GATAD1: variants seen among roughly 807,000 people sequenced by gnomAD.
The protein encoded by GATAD1 is GATA zinc finger domain-containing protein 1.
Under a neutral mutation model 26.5 loss-of-function variants are expected in GATAD1, and 12 were observed. The ratio of observed to expected loss-of-function variants is 0.45; its 90% CI spans 0.29 to 0.73. The LOEUF is 0.73. Ranked by LOEUF, GATAD1 falls within the 30% of genes least tolerant of loss-of-function variation. The pLI is 0.10. For synonymous variants in GATAD1, 129 were observed against 133.1 expected (o/e 0.97, Z 0.21); for missense variants, 266 against 342.1 (o/e 0.78, Z 1.75).
the GATAD1 span, among the ~76,000 whole-genome samples, chr7:92,478,465 TATAAGTGGGG>T: frequency 5.3e-5 from 8 of 152,084 alleles, no homozygotes; most frequent in Admixed American, 5.2e-4. Flanking sequence ...ATGGGCTGAT[TATAAGTGGGG>T]ATAAGTGGCT....
At chr7:92,451,005 AGT>A (rs1789406379) in intron 3 of GATAD1, among the ~76,000 whole-genome samples, 2 of 151,964 alleles carry the variant, frequency 1.3e-5, no homozygotes, top group Non-Finnish European at 2.9e-5. Context: ...ATTTTTTTTT[AGT>A]GTAGATTGTA....
the GATAD1 span, among the ~76,000 whole-genome samples, chr7:92,489,083 C>A: frequency 6.6e-6 from 1 of 152,192 alleles, no homozygotes; most frequent in African/African-American, 2.4e-5. Flanking sequence ...CAAATATAAT[C>A]AAATGAACTG....
At chr7:92,472,101 C>T in the GATAD1 span, 2 of 152,208 alleles carry the variant, frequency 1.3e-5, no homozygotes, top group African/African-American at 2.4e-5. Flanking sequence ...AAGGTCCCCT[C>T]GAGTGGCATA....
the GATAD1 span, among the ~76,000 whole-genome samples, chr7:92,476,339 C>T: frequency 7.9e-4 from 121 of 152,224 alleles, 1 homozygote; most frequent in South Asian, 2.7e-3. Flanking sequence ...AAAGCAGTTG[C>T]GCTACCGACT....
intron 2 of GATAD1, chr7:92,449,753 G>A (rs1001408115): frequency 3.4e-5 from 10 of 298,322 alleles, no homozygotes; most frequent in East Asian, 3.5e-4. Context: ...GAATGTGCAG[G>A]TTTGTTACAT....
rs1789798622 is a variant in GATAD1 at position 92,458,800 on chromosome 7, C to T, written c.*2238C>T. 3 of 152,144 alleles carry T rather than the reference C, an allele frequency of 2.0e-5. No homozygotes were observed. The highest frequency in any genetic ancestry group is 1.3e-4 in the Admixed American group (2 of 15,278). The allele number at this position is 152,144 out of a possible 1,614,324, so 9.4% of individuals were successfully genotyped here. On this transcript the variant is annotated 3_prime_UTR_variant, in exon 5 of 5. Transcript: ENST00000287957. ...AAATAACTTTCTAAGTGCCAATATT[C>T]AAAACTTTTGGATTAAAATGTATTT...
the GATAD1 span, among the ~76,000 whole-genome samples, chr7:92,484,076 ATTT>A: frequency 1.7e-4 from 26 of 152,274 alleles, no homozygotes; most frequent in Non-Finnish European, 3.1e-4. Flanking sequence ...CCATTTTTCC[ATTT>A]TTCCACAAAA....
downstream of GATAD1, among the ~76,000 whole-genome samples, chr7:92,463,785 G>A (rs766200592): frequency 5.3e-5 from 8 of 151,886 alleles, no homozygotes; most frequent in Non-Finnish European, 1.2e-4. Flanking sequence ...CCTGGCCAAC[G>A]TGGCGAAACC....
chr7:92,469,246 A>T, the GATAD1 span: 6 of 764,008 alleles, frequency 7.9e-6, no homozygotes, highest in Non-Finnish European at 1.4e-5. Context: ...ATTTTGAAGG[A>T]CTACTGCTGC....
At chr7:92,488,037 T>C in the GATAD1 span, among the ~76,000 whole-genome samples, 3 of 152,216 alleles carry the variant, frequency 2.0e-5, no homozygotes, top group Non-Finnish European at 4.4e-5. Flanking sequence ...GCAAGAATGT[T>C]CATTACCACA....
chr7:92,493,039 A>G, the GATAD1 span: 1 of 1,611,880 alleles, frequency 6.2e-7, no homozygotes, highest in Non-Finnish European at 8.5e-7. Flanking sequence ...CCAGTAAAGG[A>G]GTCAGTTACT....
Position 92,459,211 on chromosome 7 carries a change from A to G in GATAD1, c.*2649A>G, listed in dbSNP as rs954323043. On this transcript the variant is annotated 3_prime_UTR_variant, in exon 5 of 5. Coordinates refer to ENST00000287957, the MANE Select transcript of GATAD1 (RefSeq NM_021167.5). Reference sequence around the variant, plus strand: ...ACTGCACTCCAGTCTGGGTGACGGCATGACTCCATCTCCAAAAAAAAAAAA... The same window carrying G: ...ACTGCACTCCAGTCTGGGTGACGGCGTGACTCCATCTCCAAAAAAAAAAAA... 1.6e-4 allele frequency: 23 copies of G among 147,880 alleles called. No homozygotes were observed. The highest frequency in any genetic ancestry group is 1.2e-4 in the Non-Finnish European group (8 of 67,088). The allele number at this position is 147,880 out of a possible 1,614,324, so 9.2% of individuals were successfully genotyped here.
chr7:92,448,321 T>C (rs1481694506), intron 1 of GATAD1, among the ~76,000 whole-genome samples: 1 of 152,250 alleles, frequency 6.6e-6, no homozygotes, highest in Admixed American at 6.5e-5. Flanking sequence ...AGTAAGATTA[T>C]TATGTCATTA....
chr7:92,457,054 G>A lies in GATAD1; in HGVS notation c.*492G>A, dbSNP rs374078447. The A allele has an allele frequency of 3.9e-5, 6 of 151,964 alleles. No homozygotes were observed. The highest frequency in any genetic ancestry group is 1.5e-4 in the African/African-American group (6 of 41,164). 9.4% of individuals were successfully genotyped at this position (151,964 alleles called of 1,614,324 possible). A position where few individuals can be genotyped will look rare whatever the true frequency, so the allele number is the denominator to read the frequency against. ...TGTGCCTGTAATCCCAGCTATTTGG[G>A]AGGCTGAGGCAGGAGAATCGCCTAA... On this transcript the variant is annotated 3_prime_UTR_variant, in exon 5 of 5. Coordinates refer to ENST00000287957, the MANE Select transcript of GATAD1 (RefSeq NM_021167.5).
chr7:92,480,889 G>A, the GATAD1 span, among the ~76,000 whole-genome samples: 1 of 152,144 alleles, frequency 6.6e-6, no homozygotes, highest in Non-Finnish European at 1.5e-5. Flanking sequence ...CATTAATGAT[G>A]GAGGACCCTT....
chr7:92,462,014 CCA>C (rs755252512), downstream of GATAD1, among the ~76,000 whole-genome samples: 1 of 152,004 alleles, frequency 6.6e-6, no homozygotes, highest in Non-Finnish European at 1.5e-5. Flanking sequence ...CAGCTGGTGG[CCA>C]ATGTAAATTA....
rs1789832517 is a variant in GATAD1, at chr7:92,459,409, A to G, written c.*2847A>G. 6.6e-6 allele frequency: 1 copy of G among 152,220 alleles called. No homozygotes were observed. Among genetic ancestry groups the G allele is most frequent in the Non-Finnish European group, 1.5e-5 (1 of 68,038 alleles). The allele number at this position is 152,220 out of a possible 1,614,324, so 9.4% of individuals were successfully genotyped here. A position where few individuals can be genotyped will look rare whatever the true frequency, so the allele number is the denominator to read the frequency against. ...AGATGGTTGTGTACCATCTTTTAAA[A>G]TAAAGATTGAATTTCACCCAGTGTG... On this transcript the variant is annotated 3_prime_UTR_variant, in exon 5 of 5. Coordinates refer to ENST00000287957, the MANE Select transcript of GATAD1 (RefSeq NM_021167.5).
the GATAD1 span, among the ~76,000 whole-genome samples, chr7:92,482,171 A>G: frequency 6.6e-6 from 1 of 152,226 alleles, no homozygotes; most frequent in African/African-American, 2.4e-5. Context: ...AGTACAGCCC[A>G]GGTAAGCTGC....
chr7:92,476,862 G>A, the GATAD1 span, among the ~76,000 whole-genome samples: 1 of 152,182 alleles, frequency 6.6e-6, no homozygotes, highest in Non-Finnish European at 1.5e-5. Flanking sequence ...TAAGGACGCA[G>A]CGCAGAGCTT....
Sources: gnomAD v4.1 joint callset for allele counts (sites outside exome capture counted in the v4.1 genomes callset) on GRCh38, gnomAD v4.1.1 for gene constraint, MANE v1.5 for transcripts, NCBI Gene and HGNC (gene_info 2026-07-23, HGNC 2026-07-21) for gene names.